The following PACRG variants were observed in gnomAD, a reference collection of about 807,000 sequenced individuals.
PACRG encodes the protein parkin coregulated.
PACRG carries 29 observed loss-of-function variants against 29.7 expected under a neutral mutation model. That is an observed-to-expected ratio of 0.98 (90% confidence interval 0.73 to 1.33). The LOEUF (loss-of-function observed/expected upper bound fraction) is 1.33. Among genes scored for constraint, PACRG ranks in the 40% most tolerant of loss-of-function variants. The probability of loss-of-function intolerance (pLI) is 0.00; values close to 1 mark genes in which losing one functional copy is unlikely to be tolerated. For synonymous variants in PACRG, 116 were observed against 118.7 expected (o/e 0.98, Z 0.15); for missense variants, 279 against 316.2 (o/e 0.88, Z 0.89).
intron 1 of PACRG, among the ~76,000 whole-genome samples, chr6:162,802,892 C>T (rs1291616985): frequency 6.6e-6 from 1 of 152,014 alleles, no homozygotes; most frequent in Non-Finnish European, 1.5e-5. Flanking sequence ...CTATAGAATC[C>T]TCTTGTTGTT....
At chr6:163,003,098 C>T (rs956054652) in intron 2 of PACRG, among the ~76,000 whole-genome samples, 2 of 152,178 alleles carry the variant, frequency 1.3e-5, no homozygotes, top group Non-Finnish European at 2.9e-5. Flanking sequence ...TCATTCTCAC[C>T]AGCTGCTGCT....
intron 4 of PACRG, among the ~76,000 whole-genome samples, chr6:163,201,522 A>G (rs145126013): frequency 1.3e-3 from 192 of 152,294 alleles, no homozygotes; most frequent in African/African-American, 4.1e-3. Flanking sequence ...TTTGGGCATG[A>G]GGTGGGGCTG....
intron 2 of PACRG, among the ~76,000 whole-genome samples, chr6:162,945,628 A>G (rs192979025): frequency 7.0e-4 from 107 of 152,238 alleles, no homozygotes; most frequent in African/African-American, 2.5e-3. Context: ...TTGAATTTAA[A>G]CTGCAGTTTA....
chr6:162,817,104 G>C (rs1371294921), intron 2 of PACRG, among the ~76,000 whole-genome samples: 2 of 152,178 alleles, frequency 1.3e-5, no homozygotes, highest in Non-Finnish European at 2.9e-5. Context: ...TGTTTCCAGA[G>C]CCTGTGGCTC....
In PACRG at chr6:162,897,182, C is replaced by A. The variant is rs143649786; in HGVS notation, c.291+82901C>A. 1.4e-3 allele frequency among the ~76,000 whole-genome samples: 220 copies of A among 152,208 alleles called. 2 individuals are homozygous for A. Among genetic ancestry groups the A allele is most frequent in the African/African-American group, 4.8e-3 (199 of 41,526 alleles). On this transcript the variant is annotated intron_variant, in intron 2 of 4. Transcript: ENST00000366888. ...TTGCATGTGAGAGAAATTTGGAATT[C>A]CCCAAAAAATGTGCATGATATAACC...
At chr6:162,816,383 C>T (rs891492818) in intron 2 of PACRG, among the ~76,000 whole-genome samples, 4 of 152,224 alleles carry the variant, frequency 2.6e-5, no homozygotes, top group East Asian at 3.9e-4. Context: ...GACGGAGTCT[C>T]GCTCTGTCCC....
chr6:162,944,496 TG>T lies in PACRG; in HGVS notation c.292-117651del, dbSNP rs1421795450. On this transcript the variant is annotated intron_variant, in intron 2 of 4. Transcript: ENST00000366888. Reference sequence around the variant, plus strand: ...AAAGAAAACAAAATTTATGAAATCCTGGGAAAAGAATTTAAAATAGTTATTT... The same window carrying T: ...AAAGAAAACAAAATTTATGAAATCCTGGAAAAGAATTTAAAATAGTTATTT... 2.6e-5 allele frequency among the ~76,000 whole-genome samples: 4 copies of T among 152,088 alleles called. No individual in the cohort carries two copies. In the South Asian group the frequency reaches 8.3e-4, roughly 31 times the overall value.
chr6:162,943,731 C>A (rs1481762267), intron 2 of PACRG, among the ~76,000 whole-genome samples: 2 of 152,158 alleles, frequency 1.3e-5, no homozygotes, highest in Non-Finnish European at 2.9e-5. Context: ...CCATAGGCAC[C>A]TGAGCATCTC....
chr6:163,290,278 GCA>G (rs3064946), intron 4 of PACRG, among the ~76,000 whole-genome samples: 16,417 of 113,864 alleles, frequency 0.14, 965 homozygotes, highest in Non-Finnish European at 0.16. Context: ...GCGCGCGCGC[GCA>G]CACACACACA....
At chr6:162,968,719 G>A (rs1397915537) in intron 2 of PACRG, among the ~76,000 whole-genome samples, 3 of 152,132 alleles carry the variant, frequency 2.0e-5, no homozygotes, top group Non-Finnish European at 2.9e-5. Context: ...AAAAGAAAGT[G>A]AGAGTCTGAA....
intron 2 of PACRG, among the ~76,000 whole-genome samples, chr6:162,941,535 A>G (rs538007961): frequency 6.6e-6 from 1 of 152,240 alleles, no homozygotes; most frequent in South Asian, 2.1e-4. Flanking sequence ...TGCCTTCACA[A>G]TTCACCTGCA....
intron 4 of PACRG, among the ~76,000 whole-genome samples, chr6:163,311,781 A>G (rs1024350201): frequency 1.3e-5 from 2 of 151,766 alleles, no homozygotes; most frequent in African/African-American, 4.9e-5. Context: ...AAAACAAAAA[A>G]AGCTACATAG....
intron 2 of PACRG, among the ~76,000 whole-genome samples, chr6:162,940,052 G>T (rs1384536277): frequency 6.6e-6 from 1 of 152,166 alleles, no homozygotes; most frequent in Non-Finnish European, 1.5e-5. Flanking sequence ...CAGTATAATA[G>T]ATTTCTATAC....
At chr6:162,766,948 G>A (rs1053522005) in intron 1 of PACRG, among the ~76,000 whole-genome samples, 7 of 151,624 alleles carry the variant, frequency 4.6e-5, no homozygotes, top group Non-Finnish European at 1.0e-4. Flanking sequence ...TTTTAAATTT[G>A]CATTTTCGTT....
chr6:163,174,687 A>C (rs1779260946), intron 4 of PACRG, among the ~76,000 whole-genome samples: 1 of 152,160 alleles, frequency 6.6e-6, no homozygotes, highest in African/African-American at 2.4e-5. Context: ...CATATATTCA[A>C]CTTAAACCTC....
At chr6:162,867,460 G>A (rs923571545) in intron 2 of PACRG, among the ~76,000 whole-genome samples, 2 of 152,036 alleles carry the variant, frequency 1.3e-5, no homozygotes, top group Admixed American at 1.3e-4. Context: ...CTGGCTTCCT[G>A]AAGGGCTGTG....
chr6:162,781,221 G>C (rs1229202194), intron 1 of PACRG, among the ~76,000 whole-genome samples: 1 of 152,006 alleles, frequency 6.6e-6, no homozygotes. Context: ...AAAGACTGTG[G>C]AAGAGCATCT....
intron 4 of PACRG, among the ~76,000 whole-genome samples, chr6:163,168,749 T>C (rs1483750053): frequency 6.6e-6 from 1 of 151,936 alleles, no homozygotes; most frequent in Non-Finnish European, 1.5e-5. Context: ...CTGTGAACCA[T>C]ATTCTCCAAT....
intron 4 of PACRG, among the ~76,000 whole-genome samples, chr6:163,149,804 G>A (rs1230646515): frequency 6.6e-6 from 1 of 152,180 alleles, no homozygotes; most frequent in Non-Finnish European, 1.5e-5. Context: ...CCTGCCAGCA[G>A]CGCAGATCCT....
Sources: gnomAD v4.1 joint callset for allele counts (sites outside exome capture counted in the v4.1 genomes callset) on GRCh38, gnomAD v4.1.1 for gene constraint, MANE v1.5 for transcripts, NCBI Gene and HGNC (gene_info 2026-07-23, HGNC 2026-07-21) for gene names.